Variants in RIC1 observed in about 807,000 individuals in gnomAD.
RIC1 encodes guanine nucleotide exchange factor subunit RIC1.
Under a neutral mutation model 169.0 loss-of-function variants are expected in RIC1, and 88 were observed. That is an observed-to-expected ratio of 0.52 (90% CI 0.44 to 0.62). The LOEUF (loss-of-function observed/expected upper bound fraction) is 0.62. Among genes scored for constraint, RIC1 ranks in the 20% least tolerant of loss-of-function variants. RIC1 has a pLI of 0.00. For missense variants in RIC1, 1,877 were observed against 1,725.5 expected (o/e 1.09, Z -1.56); for synonymous variants, 790 against 601.5 (o/e 1.31, Z -4.59).
In RIC1 at chr9:5,763,327, G is replaced by A. The variant is rs772305760; in HGVS notation, c.2300G>A (p.Arg767Gln). 6.2e-7 allele frequency: 1 copy of A among 1,614,106 alleles called. No individual in the cohort carries two copies. Among genetic ancestry groups the A allele is most frequent in the Non-Finnish European group, 8.5e-7 (1 of 1,180,020 alleles). ...AAGCCCCATTCCTTCTTGTCCCAGC[G>A]GATCATGCTGCCTTTCCACATCAAC... ...HRKPHSFLSQ[R>Q]IMLPFHINIY... The change falls in exon 19 of 26, where the codon CGG becomes CAG. Residue 767 changes from arginine (R) to glutamine (Q), a missense_variant. Coordinates refer to ENST00000414202, the MANE Select transcript of RIC1 (RefSeq NM_020829.4). This position sits in a 1 kb window ranked among gnomAD's most constrained non-coding sequence, Gnocchi z 5.2.
intron 3 of RIC1, among the ~76,000 whole-genome samples, chr9:5,707,384 G>T (rs913889753): frequency 1.3e-5 from 2 of 151,980 alleles, no homozygotes; most frequent in Admixed American, 1.3e-4. Context: ...ATGTGTCTTA[G>T]GTCTAAGTGG....
At chr9:5,712,908 A>T (rs150375688) in intron 3 of RIC1, 1 of 152,338 alleles carries the variant, frequency 6.6e-6, no homozygotes, top group East Asian at 1.9e-4. Flanking sequence ...AGTTCATAGT[A>T]GTAGCAGGAT....
rs562073308 is a variant in RIC1 at position 5,684,099 on chromosome 9, A to T, written c.253-5860A>T. On this transcript the variant is annotated intron_variant, in intron 2 of 25. Transcript: ENST00000414202. ...CCTGACCCCTTGCGCTTCCCAGGTG[A>T]GGTGATGCCTTGCCCTGCTTCAGCT... Among the ~76,000 whole-genome samples the T allele has an allele frequency of 1.8e-3, 268 of 152,144 alleles. 2 individuals are homozygous for T. Among genetic ancestry groups the T allele is most frequent in the African/African-American group, 6.2e-3 (259 of 41,504 alleles).
intron 12 of RIC1, among the ~76,000 whole-genome samples, chr9:5,751,793 A>C (rs1032041285): frequency 6.6e-6 from 1 of 152,230 alleles, no homozygotes; most frequent in Non-Finnish European, 1.5e-5. Flanking sequence ...AGTTTTATCA[A>C]ATTTTATCAA....
intron 2 of RIC1, among the ~76,000 whole-genome samples, chr9:5,689,666 A>C (rs1005664244): frequency 2.0e-5 from 3 of 152,198 alleles, no homozygotes; most frequent in African/African-American, 4.8e-5. Flanking sequence ...TATATTTTGC[A>C]AAATAGTCAC....
intron 3 of RIC1, among the ~76,000 whole-genome samples, chr9:5,698,660 G>C (rs1822044032): frequency 6.6e-6 from 1 of 152,160 alleles, no homozygotes; most frequent in Admixed American, 6.5e-5. Flanking sequence ...GAGAGGCCCA[G>C]GTTCCAGTTC....
At chr9:5,708,866 C>T (rs1461979295) in intron 3 of RIC1, among the ~76,000 whole-genome samples, 2 of 151,946 alleles carry the variant, frequency 1.3e-5, no homozygotes, top group Admixed American at 1.3e-4. Context: ...TACAGACAGG[C>T]GTTGGTATTT....
intron 3 of RIC1, among the ~76,000 whole-genome samples, chr9:5,690,893 A>T (rs1018374532): frequency 3.3e-5 from 5 of 151,936 alleles, no homozygotes; most frequent in Admixed American, 6.5e-5. Context: ...ACTGTAACTA[A>T]CAAACTCAAG....
Position 5,762,743 on chromosome 9 carries a change from A to G in RIC1, c.2112+83A>G, listed in dbSNP as rs1457340720. 3.4e-6 allele frequency: 5 copies of G among 1,479,792 alleles called. No homozygotes were observed. The East Asian group carries it at 1.2e-4, about 36-fold the overall frequency. The allele number at this position is 1,479,792 out of a possible 1,614,324, so 91.7% of individuals were successfully genotyped here. A position where few individuals can be genotyped will look rare whatever the true frequency, so the allele number is the denominator to read the frequency against. ...AAGGAATGAAACAATTTAAGAGAAG[A>G]GTATTTTATGATTTGGAAAGGAGAA... On this transcript the variant is annotated intron_variant, in intron 18 of 25. Transcript: ENST00000414202.
intron 2 of RIC1, among the ~76,000 whole-genome samples, chr9:5,671,397 T>C (rs952358167): frequency 6.6e-6 from 1 of 151,788 alleles, no homozygotes; most frequent in African/African-American, 2.4e-5. Flanking sequence ...TGCCTTACCC[T>C]CCCAAGTAGT....
chr9:5,682,728 C>G (rs1820933400), intron 2 of RIC1, among the ~76,000 whole-genome samples: 1 of 152,176 alleles, frequency 6.6e-6, no homozygotes, highest in South Asian at 2.1e-4. Context: ...TGGGGAAGTT[C>G]TCCTGGATAA....
intron 2 of RIC1, among the ~76,000 whole-genome samples, chr9:5,672,144 G>C (rs1820145751): frequency 6.6e-6 from 1 of 152,188 alleles, no homozygotes; most frequent in South Asian, 2.1e-4. Context: ...GAGCTTGTCT[G>C]CCTCTGCAAA....
chr9:5,675,220 C>G (rs1049948096), intron 2 of RIC1, among the ~76,000 whole-genome samples: 1 of 151,730 alleles, frequency 6.6e-6, no homozygotes, highest in Non-Finnish European at 1.5e-5. Context: ...AGTGGTTTGG[C>G]GGGAAAAATG....
chr9:5,770,350 T>C (rs948298741), intron 23 of RIC1, 72 bp downstream of exon 23: 3 of 1,231,644 alleles, frequency 2.4e-6, no homozygotes, highest in African/African-American at 1.5e-5. Flanking sequence ...ACTTCAGAGA[T>C]AGACCTTCAT....
intron 1 of RIC1, among the ~76,000 whole-genome samples, chr9:5,636,796 C>A (rs1817993081): frequency 6.6e-6 from 1 of 152,028 alleles, no homozygotes; most frequent in African/African-American, 2.4e-5. Flanking sequence ...GACAATTTTG[C>A]TTTTTCCTTT....
intron 2 of RIC1, among the ~76,000 whole-genome samples, chr9:5,666,805 GATTACCAAAAC>G (rs1335909220): frequency 5.9e-5 from 4 of 67,892 alleles, no homozygotes; most frequent in African/African-American, 1.7e-4. Context: ...GATTTATATT[GATTACCAAAAC>G]TCAAGTCAGT....
chr9:5,734,531 A>G (rs765181202), intron 7 of RIC1, among the ~76,000 whole-genome samples: 1 of 152,228 alleles, frequency 6.6e-6, no homozygotes, highest in Non-Finnish European at 1.5e-5. Flanking sequence ...CATAAAGTTT[A>G]TAATACCCTT....
At chr9:5,771,754 G>C (rs1241043802) in intron 23 of RIC1, among the ~76,000 whole-genome samples, 1 of 152,088 alleles carries the variant, frequency 6.6e-6, no homozygotes, top group African/African-American at 2.4e-5. Context: ...TTTTTCAAGA[G>C]ATAATTTCAA....
At chr9:5,695,605 C>G (rs1821849566) in intron 3 of RIC1, among the ~76,000 whole-genome samples, 1 of 145,752 alleles carries the variant, frequency 6.9e-6, no homozygotes, top group African/African-American at 2.6e-5. Flanking sequence ...CAGAGTCTCG[C>G]TCTGTCGCCT....
Sources: allele counts gnomAD v4.1 joint callset (sites outside exome capture counted in the v4.1 genomes callset), GRCh38; gene constraint gnomAD v4.1.1; non-coding constraint Gnocchi (gnomAD v3.1); transcripts MANE v1.5; gene names NCBI Gene and HGNC (gene_info 2026-07-23, HGNC 2026-07-21).